Variants in ENTPD1 observed in about 807,000 individuals in gnomAD.
ENTPD1 encodes ATP diphosphohydrolase.
Under a neutral mutation model 57.0 loss-of-function variants are expected in ENTPD1, and 33 were observed. The observed-to-expected ratio is 0.58, with a 90% confidence interval of 0.44 to 0.77. The LOEUF (loss-of-function observed/expected upper bound fraction) is 0.77. ENTPD1 is among the 30% of genes least tolerant of loss of function. The pLI, the probability that ENTPD1 is intolerant of heterozygous loss-of-function variation, is 0.00. For synonymous variants in ENTPD1, 202 were observed against 218.8 expected, an observed-to-expected ratio of 0.92 and a Z score of 0.68; for missense variants, 501 against 603.4, an observed-to-expected ratio of 0.83 and a Z score of 1.78.
intron 2 of ENTPD1, among the ~76,000 whole-genome samples, chr10:95,831,880 A>G (rs1368788205): frequency 6.6e-6 from 1 of 152,196 alleles, no homozygotes; most frequent in Non-Finnish European, 1.5e-5. Flanking sequence ...TTTGCATTTT[A>G]TTTATTCATT....
chr10:95,866,705 TAGA>T lies in ENTPD1; in HGVS notation c.*327_*329del, dbSNP rs1385777000. 8.4e-7 allele frequency: 1 copy of T among 1,188,838 alleles called. No individual in the cohort carries two copies. Among genetic ancestry groups the T allele is most frequent in the East Asian group, 5.6e-5 (1 of 17,708 alleles). The allele number at this position is 1,188,838 out of a possible 1,614,324, so 73.6% of individuals were successfully genotyped here. A position where few individuals can be genotyped will look rare whatever the true frequency, so the allele number is the denominator to read the frequency against. ...ATAAAAGAACAATATTGACTTTGTC[TAGA>T]AGAACTGAGAGTCTTGAGTCCTGTG... On this transcript the variant is annotated 3_prime_UTR_variant, in exon 10 of 10. Transcript: ENST00000371205.
intron 1 of ENTPD1, among the ~76,000 whole-genome samples, chr10:95,820,926 G>C (rs1370359709): frequency 6.6e-6 from 1 of 152,200 alleles, no homozygotes; most frequent in African/African-American, 2.4e-5. Context: ...AGGAAAATGA[G>C]ATTGCAAGAT....
intron 1 of ENTPD1, among the ~76,000 whole-genome samples, chr10:95,738,319 G>T (rs1334639819): frequency 6.6e-6 from 1 of 152,138 alleles, no homozygotes; most frequent in Admixed American, 6.5e-5. Flanking sequence ...TTTCTAGATG[G>T]TAAGGGCTCA....
chr10:95,830,358 T>C (rs1329495582), intron 2 of ENTPD1, among the ~76,000 whole-genome samples: 1 of 152,154 alleles, frequency 6.6e-6, no homozygotes, highest in Non-Finnish European at 1.5e-5. Context: ...TATTTTTGGC[T>C]TAAAAGTGGG....
chr10:95,713,054 A>T (rs1437552243), intron 1 of ENTPD1, among the ~76,000 whole-genome samples: 1 of 147,724 alleles, frequency 6.8e-6, no homozygotes, highest in Non-Finnish European at 1.5e-5. Context: ...AAAAAAAAAT[A>T]GGCTGTGGCG....
chr10:95,694,599 T>C, the ENTPD1 span, among the ~76,000 whole-genome samples: 1 of 151,492 alleles, frequency 6.6e-6, no homozygotes, highest in East Asian at 1.9e-4. Flanking sequence ...TGTGAGAAAA[T>C]AGGGAGAGAA....
In ENTPD1 at chr10:95,873,983, C is replaced by T. The variant is rs1015267730; in HGVS notation, c.*7600C>T. On this transcript the variant is annotated 3_prime_UTR_variant, in exon 10 of 10. Transcript: ENST00000371205. ...ACCTCCCACTGCGTCCCTCCCACAACATGTGGGAATTCTGGGAGATACAAT... is the reference window on the plus strand; with the variant it reads ...ACCTCCCACTGCGTCCCTCCCACAATATGTGGGAATTCTGGGAGATACAAT... Among the ~76,000 whole-genome samples the T allele has an allele frequency of 5.3e-5, 8 of 152,216 alleles. No homozygotes were observed. The highest frequency in any genetic ancestry group is 1.9e-4 in the African/African-American group (8 of 41,460).
chr10:95,742,989 G>C (rs1354190726), intron 1 of ENTPD1, among the ~76,000 whole-genome samples: 1 of 152,074 alleles, frequency 6.6e-6, no homozygotes, highest in Non-Finnish European at 1.5e-5. Context: ...TACAATAAAT[G>C]AACCAATATT....
rs2098482046 is a variant in ENTPD1, at chr10:95,872,886, T to A, written c.*6503T>A. On this transcript the variant is annotated 3_prime_UTR_variant, in exon 10 of 10. Coordinates refer to ENST00000371205, the MANE Select transcript of ENTPD1 (RefSeq NM_001776.6). ...TTTTATTCCCCTAGCCACATGGAACTTTTCCTTTTTGGAACATGCCTTTAG... is the reference window on the plus strand; with the variant it reads ...TTTTATTCCCCTAGCCACATGGAACATTTCCTTTTTGGAACATGCCTTTAG... 1.0e-6 allele frequency: 1 copy of A among 985,308 alleles called. No homozygotes were observed. The highest frequency in any genetic ancestry group is 1.7e-5 in the African/African-American group (1 of 57,226). The allele number at this position is 985,308 out of a possible 1,614,324, so 61.0% of individuals were successfully genotyped here.
chr10:95,804,557 A>G (rs2098264285), intron 1 of ENTPD1, among the ~76,000 whole-genome samples: 1 of 152,210 alleles, frequency 6.6e-6, no homozygotes, highest in Non-Finnish European at 1.5e-5. Context: ...ACTTTGCTGA[A>G]GTTGCTTATC....
At chr10:95,828,815 A>C (rs2098387097) in intron 2 of ENTPD1, among the ~76,000 whole-genome samples, 1 of 151,558 alleles carries the variant, frequency 6.6e-6, no homozygotes. Context: ...GGTTCAAGCA[A>C]TTCTCCTGCC....
At chr10:95,782,349 C>CT (rs2098161186) in intron 1 of ENTPD1, among the ~76,000 whole-genome samples, 1 of 152,006 alleles carries the variant, frequency 6.6e-6, no homozygotes, top group Non-Finnish European at 1.5e-5. Flanking sequence ...AGTATATTTC[C>CT]TTTTTTGTAT....
At chr10:95,702,949 AT>A in the ENTPD1 span, among the ~76,000 whole-genome samples, 15 of 148,192 alleles carry the variant, frequency 1.0e-4, no homozygotes, top group East Asian at 7.9e-4. Context: ...GCCAGGCTAA[AT>A]TTTTTTTTTT....
chr10:95,859,960 T>C (rs1475263180), intron 7 of ENTPD1, among the ~76,000 whole-genome samples: 1 of 152,150 alleles, frequency 6.6e-6, no homozygotes, highest in Non-Finnish European at 1.5e-5. Flanking sequence ...ACCTAGCCCA[T>C]AGTAGACCTG....
At position 95,873,061 on chromosome 10, in the gene ENTPD1, ATTT is replaced by A; in HGVS notation, c.*6680_*6682del. 2.2e-6 allele frequency: 2 copies of A among 926,002 alleles called. No homozygotes were observed. The highest frequency in any genetic ancestry group is 2.6e-6 in the Non-Finnish European group (2 of 775,794). The allele number at this position is 926,002 out of a possible 1,614,324, so 57.4% of individuals were successfully genotyped here. A position where few individuals can be genotyped will look rare whatever the true frequency, so the allele number is the denominator to read the frequency against. On this transcript the variant is annotated 3_prime_UTR_variant, in exon 10 of 10. Coordinates refer to ENST00000371205, the MANE Select transcript of ENTPD1 (RefSeq NM_001776.6). ...ATTTTGTTGAAATAAAAATTATTTA[ATTT>A]TAATTAATATAAATAATTCAGTAGG...
In ENTPD1 at chr10:95,864,747, A is replaced by G. The variant is rs1241152136; in HGVS notation, c.1212A>G (p.Val404=). Residue 404 remains valine (V), a synonymous_variant, in exon 9 of 10, where the codon GTA becomes GTG. Transcript: ENST00000371205. ...AGATAAAAACATCTTACGCTGGAGT[A>G]AAGGAGAAGTACCTGAGTGAATACT... ...WEEIKTSYAG[V]KEKYLSEYCF... is the part of the protein sequence containing the mutation. 1.2e-6 allele frequency: 2 copies of G among 1,614,184 alleles called. No homozygotes were observed. Among genetic ancestry groups the G allele is most frequent in the Non-Finnish European group, 8.5e-7 (1 of 1,180,036 alleles).
In ENTPD1 at chr10:95,842,293, T is replaced by C. The variant is rs191944579; in HGVS notation, c.263-51T>C. The C allele has an allele frequency of 3.2e-5, 48 of 1,506,792 alleles. No individual in the cohort carries two copies. The African/African-American group carries it at 4.9e-4, about 15-fold the overall frequency. 93.3% of individuals were successfully genotyped at this position (1,506,792 alleles called of 1,614,324 possible). A position where few individuals can be genotyped will look rare whatever the true frequency, so the allele number is the denominator to read the frequency against. ...ATTTTGATCTACTATTGTCAAGGTA[T>C]GTTTTATAATTTTTTTTTAAAAGAT... On this transcript the variant is annotated intron_variant, in intron 3 of 9. Transcript: ENST00000371205.
chr10:95,810,122 C>G (rs1261450924), intron 1 of ENTPD1, among the ~76,000 whole-genome samples: 1 of 149,946 alleles, frequency 6.7e-6, no homozygotes, highest in Non-Finnish European at 1.5e-5. Flanking sequence ...GGCAGAGGCG[C>G]TCCTCACCTC....
chr10:95,739,338 C>T (rs2097997834), intron 1 of ENTPD1, among the ~76,000 whole-genome samples: 1 of 152,190 alleles, frequency 6.6e-6, no homozygotes, highest in African/African-American at 2.4e-5. Context: ...GCATTTTACC[C>T]ACAGTAGGAC....
Sources: allele counts gnomAD v4.1 joint callset (sites outside exome capture counted in the v4.1 genomes callset), GRCh38; gene constraint gnomAD v4.1.1; transcripts MANE v1.5; gene names NCBI Gene and HGNC (gene_info 2026-07-23, HGNC 2026-07-21).